PIGN: variants seen among roughly 807,000 people sequenced by gnomAD.
The protein encoded by PIGN is phosphatidylinositol glycan anchor biosynthesis class N.
PIGN carries 117 observed loss-of-function variants against 125.4 expected under a neutral mutation model. The ratio of observed to expected loss-of-function variants is 0.93; its 90% CI spans 0.80 to 1.09. The LOEUF is 1.09. Among genes scored for constraint, PIGN ranks in the 50% least tolerant of loss-of-function variants. The pLI is 0.00. For synonymous variants in PIGN, 392 were observed against 377.8 expected, an observed-to-expected ratio of 1.04 and a Z score of -0.44; for missense variants, 1,075 against 1,094.9, an observed-to-expected ratio of 0.98 and a Z score of 0.26.
At chr18:62,114,804 C>A (rs1205423211) in intron 14 of PIGN, among the ~76,000 whole-genome samples, 165 bp from the exon 15 acceptor site, 5 of 152,072 alleles carry the variant, frequency 3.3e-5, no homozygotes, top group African/African-American at 1.2e-4. Context: ...TGAAGTCTTC[C>A]AAGAAATAGC....
At chr18:62,129,683 C>T (rs1349765814) in intron 14 of PIGN, among the ~76,000 whole-genome samples, 1 of 12,494 alleles carries the variant, frequency 8.0e-5, no homozygotes, top group African/African-American at 3.6e-4. Context: ...GGCACTACGT[C>T]TATCTTTTCC....
intron 1 of PIGN, among the ~76,000 whole-genome samples, chr18:62,165,433 A>T (rs1232236797): frequency 6.6e-6 from 1 of 152,220 alleles, no homozygotes; most frequent in African/African-American, 2.4e-5. Flanking sequence ...ATGGGTAAAG[A>T]GGTAAAAAAT....
chr18:62,048,601 G>T (rs191654971), intron 30 of PIGN, among the ~76,000 whole-genome samples: 1 of 129,086 alleles, frequency 7.7e-6, no homozygotes. Flanking sequence ...CGGAAATAAG[G>T]GGAAATCAGA....
chr18:62,167,261 TAGATAG>T (rs1343262367), intron 1 of PIGN, among the ~76,000 whole-genome samples: 1 of 127,388 alleles, frequency 7.9e-6, no homozygotes, highest in Non-Finnish European at 1.8e-5. Flanking sequence ...CACATATATA[TAGATAG>T]AGATATATAG....
chr18:62,163,324 G>A (rs922099595), intron 2 of PIGN, among the ~76,000 whole-genome samples: 11 of 152,110 alleles, frequency 7.2e-5, no homozygotes, highest in African/African-American at 2.4e-4. Flanking sequence ...GTATTTTCCT[G>A]TTGGAGATAA....
intron 17 of PIGN, 34 bp from the exon 18 acceptor site, chr18:62,107,119 A>G: frequency 7.5e-7 from 1 of 1,336,078 alleles, no homozygotes; most frequent in Non-Finnish European, 1.1e-6. Flanking sequence ...TGAATTTTAA[A>G]GTTAGGTCAT....
In PIGN at chr18:62,137,949, G is replaced by T. The variant is rs62097169; in HGVS notation, c.1172+294C>A. The T allele has an allele frequency of 0.24, 70,012 of 292,958 alleles. 8,962 individuals carry two copies. Among genetic ancestry groups the T allele is most frequent in the Middle Eastern group, 0.31 (313 of 1,010 alleles). 18.1% of individuals were successfully genotyped at this position (292,958 alleles called of 1,614,324 possible). ...AGCCAAGTGCCAGGAAGTCACACTCGTTCCTGCCCCCACACCTTCCTAGCC... is the reference window on the plus strand; with the variant it reads ...AGCCAAGTGCCAGGAAGTCACACTCTTTCCTGCCCCCACACCTTCCTAGCC... On this transcript the variant is annotated intron_variant, in intron 14 of 30. Coordinates refer to ENST00000640252, the MANE Select transcript of PIGN (RefSeq NM_176787.5).
In PIGN at chr18:62,145,919, T is replaced by G. The variant is rs763390846; in HGVS notation, c.912A>C (p.Ala304=). Residue 304 remains alanine (A), a synonymous_variant, in exon 10 of 31, where the codon GCA becomes GCC. Transcript: ENST00000640252. ...QRVSAQQFDD[A]FLKEWRLENW... is the part of the protein sequence containing the mutation. ...AAGAAATGCTTGTACCTTTCAAAAA[T>G]GCATCATCAAATTGCTGAGCTGATA... The G allele has an allele frequency of 3.4e-5, 52 of 1,534,630 alleles. No individual in the cohort carries two copies. The highest frequency in any genetic ancestry group is 3.1e-5 in the Non-Finnish European group (34 of 1,108,472).
At chr18:62,114,693 T>C in intron 14 of PIGN, 54 bp from the exon 15 acceptor site, 2 of 762,004 alleles carry the variant, frequency 2.6e-6, no homozygotes, top group East Asian at 6.4e-5. Flanking sequence ...CAAGTATATG[T>C]TTCTTTTTTC....
At position 62,042,693 on chromosome 18, in the gene PIGN, C is replaced by T. The variant is rs574488792; in HGVS notation, c.*3163G>A. 6.6e-6 allele frequency: 1 copy of T among 151,324 alleles called. No individual in the cohort carries two copies. The highest frequency in any genetic ancestry group is 6.6e-5 in the Admixed American group (1 of 15,226). The allele number at this position is 151,324 out of a possible 1,614,324, so 9.4% of individuals were successfully genotyped here. On this transcript the variant is annotated 3_prime_UTR_variant, in exon 31 of 31. Transcript: ENST00000640252. ...AAATAACAAAGCATCATAAAGAAAT[C>T]CCAGTCAAAAAAAAATGCTGCTGCC...
intron 14 of PIGN, among the ~76,000 whole-genome samples, chr18:62,120,269 T>C (rs2035250258): frequency 6.6e-6 from 1 of 152,146 alleles, no homozygotes; most frequent in Non-Finnish European, 1.5e-5. Context: ...AGTTGGTCAC[T>C]GAACAGGAAT....
chr18:62,152,511 C>A (rs1240435662), intron 7 of PIGN, among the ~76,000 whole-genome samples: 1 of 151,902 alleles, frequency 6.6e-6, no homozygotes, highest in Admixed American at 6.6e-5. Context: ...GGGAGAGGTG[C>A]TTAGAATTTT....
downstream of PIGN, among the ~76,000 whole-genome samples, chr18:62,036,813 C>G (rs1405355431): frequency 1.3e-5 from 2 of 152,212 alleles, no homozygotes; most frequent in Non-Finnish European, 2.9e-5. Flanking sequence ...ACTCAGCATT[C>G]AACTGCCCAT....
intron 30 of PIGN, among the ~76,000 whole-genome samples, chr18:62,049,246 CTTCTAG>C (rs2031033387): frequency 6.9e-6 from 1 of 144,712 alleles, no homozygotes; most frequent in Non-Finnish European, 1.5e-5. Flanking sequence ...TCAAATGGTA[CTTCTAG>C]TTCTAGATCC....
rs1341604240 is a variant in PIGN, at chr18:62,084,573, A to G, written c.2460T>C (p.Thr820=). 3.8e-6 allele frequency: 6 copies of G among 1,560,222 alleles called. No individual in the cohort carries two copies. The highest frequency in any genetic ancestry group is 5.2e-6 in the Non-Finnish European group (6 of 1,150,940). Residue 820 remains threonine (T), a synonymous_variant, in exon 27 of 31, where the codon ACT becomes ACC. Coordinates refer to ENST00000640252, the MANE Select transcript of PIGN (RefSeq NM_176787.5). ...CTCCCATCATAAAAGGACTGAACAC[A>G]GTCAGAAAGCAATAGACAGAGGCAA... ...FDLASVYCFL[T]VFSPFMMGAL...
At chr18:62,129,664 A>G (rs2035660881) in intron 14 of PIGN, among the ~76,000 whole-genome samples, 3 of 144,246 alleles carry the variant, frequency 2.1e-5, no homozygotes, top group African/African-American at 7.8e-5. Context: ...TTTGTGTCCA[A>G]CAAGGGCAGG....
intron 28 of PIGN, among the ~76,000 whole-genome samples, chr18:62,079,770 A>T (rs1413988922): frequency 6.6e-6 from 1 of 151,754 alleles, no homozygotes; most frequent in Non-Finnish European, 1.5e-5. Flanking sequence ...TAAGATAAAA[A>T]CAAATAACAC....
At chr18:62,123,661 G>C (rs1377352938) in intron 14 of PIGN, 1 of 152,108 alleles carries the variant, frequency 6.6e-6, no homozygotes, top group Non-Finnish European at 1.5e-5. Flanking sequence ...CTGATACCAA[G>C]TTAGTTTAAC....
At chr18:62,040,045 A>G (rs2030328367), downstream of PIGN, among the ~76,000 whole-genome samples, 1 of 110,152 alleles carries the variant, frequency 9.1e-6, no homozygotes, top group Non-Finnish European at 1.8e-5. Context: ...GGCCCCATCC[A>G]GAGTGCCGCA....
Sources: allele counts gnomAD v4.1 joint callset (sites outside exome capture counted in the v4.1 genomes callset), GRCh38; gene constraint gnomAD v4.1.1; transcripts MANE v1.5; gene names NCBI Gene and HGNC (gene_info 2026-07-23, HGNC 2026-07-21).